Variants in TAFA4 observed in about 807,000 individuals in gnomAD.
TAFA4 encodes the protein chemokine-like protein TAFA-4.
Under a neutral mutation model 21.1 loss-of-function variants are expected in TAFA4, and 20 were observed. The observed-to-expected ratio is 0.95, with a 90% confidence interval of 0.67 to 1.38. TAFA4 has a LOEUF of 1.38. Among genes scored for constraint, TAFA4 ranks in the 40% most tolerant of loss-of-function variants. TAFA4 has a pLI of 0.00. For missense variants in TAFA4, 211 were observed against 180.9 expected, an observed-to-expected ratio of 1.17 and a Z score of -0.95; for synonymous variants, 71 against 67.4, an observed-to-expected ratio of 1.05 and a Z score of -0.26.
At chr3:68,818,210 C>T (rs1423709349) in intron 3 of TAFA4, among the ~76,000 whole-genome samples, 1 of 152,174 alleles carries the variant, frequency 6.6e-6, no homozygotes, top group African/African-American at 2.4e-5. Context: ...AATCCTCAAA[C>T]CTCTGCTACC....
At chr3:68,741,698 A>T (rs951982296) in intron 4 of TAFA4, among the ~76,000 whole-genome samples, 5 of 152,126 alleles carry the variant, frequency 3.3e-5, no homozygotes, top group African/African-American at 1.2e-4. Flanking sequence ...AGGCTGAGGC[A>T]GGAGAATGGT....
At chr3:68,838,935 A>G (rs1476743342) in intron 3 of TAFA4, among the ~76,000 whole-genome samples, 2 of 152,124 alleles carry the variant, frequency 1.3e-5, no homozygotes, top group East Asian at 1.9e-4. Flanking sequence ...CGTCTCCACA[A>G]AAAAAGACAA....
intron 3 of TAFA4, among the ~76,000 whole-genome samples, chr3:68,757,865 G>A (rs1702686825): frequency 6.6e-6 from 1 of 151,916 alleles, no homozygotes; most frequent in Non-Finnish European, 1.5e-5. Context: ...TTATAGTGTT[G>A]TATCTCACAA....
At chr3:68,814,400 T>C (rs1406315072) in intron 3 of TAFA4, among the ~76,000 whole-genome samples, 1 of 152,114 alleles carries the variant, frequency 6.6e-6, no homozygotes, top group Non-Finnish European at 1.5e-5. Flanking sequence ...GATGACATGA[T>C]TGTATATCTA....
chr3:68,752,975 C>T lies in TAFA4; in HGVS notation c.174G>A (p.Val58=), dbSNP rs1365771239. Residue 58 remains valine (V), a synonymous_variant, in exon 4 of 6, where the codon GTG becomes GTA. Coordinates refer to ENST00000295569, the MANE Select transcript of TAFA4 (RefSeq NM_182522.5). The stretch of plus-strand genomic sequence containing the variant: ...TGCGGTTCTTATTGCAGCACCTGTG[C>T]ACGGCGACCACCTCACAGGTCCCTT... The part of the protein sequence containing the change: ...IKQGTCEVVA[V]HRCCNKNRIE... 1 of 1,613,744 alleles carries T rather than the reference C, an allele frequency of 6.2e-7. No homozygotes were observed.
chr3:68,868,940 T>C (rs1045893596), intron 3 of TAFA4, among the ~76,000 whole-genome samples: 1 of 151,856 alleles, frequency 6.6e-6, no homozygotes, highest in African/African-American at 2.4e-5. Flanking sequence ...AAAAAGTTGT[T>C]TTTTTGCAGA....
intron 3 of TAFA4, among the ~76,000 whole-genome samples, chr3:68,816,924 G>A (rs1349134509): frequency 6.6e-6 from 1 of 152,126 alleles, no homozygotes; most frequent in Non-Finnish European, 1.5e-5. Flanking sequence ...CTTTATGCTG[G>A]TGGAAGGTCT....
intron 3 of TAFA4, among the ~76,000 whole-genome samples, chr3:68,827,873 C>A (rs1222816660): frequency 1.3e-5 from 2 of 152,142 alleles, no homozygotes; most frequent in Admixed American, 1.3e-4. Flanking sequence ...TGTGCAGAAG[C>A]TCTTTGGTTT....
intron 3 of TAFA4, among the ~76,000 whole-genome samples, chr3:68,773,255 G>A (rs552455692): frequency 2.0e-5 from 3 of 152,022 alleles, no homozygotes; most frequent in South Asian, 2.1e-4. Context: ...ATGACTCATC[G>A]AACTCAGCAA....
At chr3:68,766,550 T>TAAA (rs35448199) in intron 3 of TAFA4, among the ~76,000 whole-genome samples, 20 of 148,454 alleles carry the variant, frequency 1.3e-4, no homozygotes, top group African/African-American at 4.9e-4. Flanking sequence ...CAATTTTTCC[T>TAAA]AAAAAAAAAA....
intron 1 of TAFA4, among the ~76,000 whole-genome samples, chr3:68,905,943 A>G (rs2089896777): frequency 6.6e-6 from 1 of 152,228 alleles, no homozygotes; most frequent in South Asian, 2.1e-4. Flanking sequence ...ACTGAACGTG[A>G]AGTTTCACTG....
chr3:68,741,014 A>AT (rs1702339143), intron 4 of TAFA4, among the ~76,000 whole-genome samples: 1 of 152,158 alleles, frequency 6.6e-6, no homozygotes, highest in Admixed American at 6.5e-5. Context: ...ATGTCTATTT[A>AT]TTTTTATGCC....
Position 68,885,160 on chromosome 3 carries a change from T to C in TAFA4, c.14+15A>G, listed in dbSNP as rs372601148. On this transcript the variant is annotated intron_variant, in intron 2 of 5. Coordinates refer to ENST00000295569, the MANE Select transcript of TAFA4 (RefSeq NM_182522.5). ...TAAAGATATCATGTCCAGGTGAACGTTAAAATAATCTTACCTTGGGGACCT... is the reference window on the plus strand; with the variant it reads ...TAAAGATATCATGTCCAGGTGAACGCTAAAATAATCTTACCTTGGGGACCT... 13 of 1,612,122 alleles carry C rather than the reference T, an allele frequency of 8.1e-6. No individual in the cohort carries two copies. The highest frequency in any genetic ancestry group is 1.0e-5 in the Non-Finnish European group (12 of 1,179,016).
At chr3:68,795,001 T>TACACACACACACACACACAC (rs3048125) in intron 3 of TAFA4, among the ~76,000 whole-genome samples, 1 of 143,980 alleles carries the variant, frequency 6.9e-6, no homozygotes, top group African/African-American at 2.6e-5. Context: ...TGTGTCTCAA[T>TACACACACACACACACACAC]ACACACACAC....
rs1317762531 is a variant in TAFA4, at chr3:68,762,068, C to G, written c.131-9050G>C. Among the ~76,000 whole-genome samples the G allele has an allele frequency of 4.0e-5, 6 of 151,254 alleles. 1 individual carries two copies. The highest frequency in any genetic ancestry group is 1.2e-4 in the African/African-American group (5 of 41,092). On this transcript the variant is annotated intron_variant, in intron 3 of 5. Transcript: ENST00000295569. The stretch of plus-strand genomic sequence containing the variant: ...AATCTGGCTTTAGGAAAGACATTTG[C>G]TCATTATTGGCGTATGTATCTAGTA...
intron 1 of TAFA4, among the ~76,000 whole-genome samples, chr3:68,906,123 G>A (rs1436631323): frequency 1.3e-5 from 2 of 152,226 alleles, no homozygotes; most frequent in African/African-American, 4.8e-5. Flanking sequence ...GTACACAGCA[G>A]GTCAGATGTG....
rs1415351826 is a variant in TAFA4 at position 68,932,467 on chromosome 3, G to A, written c.-350C>T. 6.6e-6 allele frequency: 1 copy of A among 152,342 alleles called. No individual in the cohort carries two copies. 9.4% of individuals were successfully genotyped at this position (152,342 alleles called of 1,614,324 possible). On this transcript the variant is annotated 5_prime_UTR_variant, in exon 1 of 6. Transcript: ENST00000295569. Reference sequence around the variant, plus strand: ...AGCTGCTGCTGGAGAAGCGGCAGCTGAGGCAGGACTCCCGATGTTTGCCCG... The same window carrying A: ...AGCTGCTGCTGGAGAAGCGGCAGCTAAGGCAGGACTCCCGATGTTTGCCCG...
chr3:68,889,557 C>T (rs2089710577), intron 1 of TAFA4, among the ~76,000 whole-genome samples: 1 of 152,154 alleles, frequency 6.6e-6, no homozygotes, highest in Non-Finnish European at 1.5e-5. Context: ...CGGTCTGCTA[C>T]ACCCACCTCA....
intron 3 of TAFA4, among the ~76,000 whole-genome samples, chr3:68,783,287 G>T (rs1021664476): frequency 1.3e-5 from 2 of 152,086 alleles, no homozygotes; most frequent in Admixed American, 1.3e-4. Flanking sequence ...TGAAAATCAG[G>T]CAAGAAAAAG....
Sources: allele counts gnomAD v4.1 joint callset (sites outside exome capture counted in the v4.1 genomes callset), GRCh38; gene constraint gnomAD v4.1.1; transcripts MANE v1.5; gene names NCBI Gene and HGNC (gene_info 2026-07-23, HGNC 2026-07-21).